Variants in TENM3 observed in about 807,000 individuals in gnomAD.
The protein encoded by TENM3 is teneurin-3.
TENM3 carries 63 observed loss-of-function variants against 255.1 expected under a neutral mutation model. The ratio of observed to expected loss-of-function variants is 0.25; its 90% confidence interval spans 0.20 to 0.30. The LOEUF is 0.30. Among genes scored for constraint, TENM3 ranks in the 10% least tolerant of loss-of-function variants. The pLI, the probability that TENM3 is intolerant of heterozygous loss-of-function variation, is 1.00. For synonymous variants in TENM3, 1,306 were observed against 1,322.3 expected (o/e 0.99, Z 0.27); for missense variants, 2,929 against 3,461.1 (o/e 0.85, Z 3.86).
the TENM3 span, among the ~76,000 whole-genome samples, chr4:182,111,607 G>A: frequency 6.6e-6 from 1 of 152,222 alleles, no homozygotes; most frequent in Non-Finnish European, 1.5e-5. Flanking sequence ...TCTATGGGCA[G>A]ACAGCAAAGG....
At chr4:181,540,196 A>T in the TENM3 span, among the ~76,000 whole-genome samples, 1 of 152,204 alleles carries the variant, frequency 6.6e-6, no homozygotes, top group Non-Finnish European at 1.5e-5. Context: ...GGGTCCCCAG[A>T]GGCCAAAGCT....
the TENM3 span, among the ~76,000 whole-genome samples, chr4:182,070,900 C>T: frequency 3.3e-5 from 5 of 152,092 alleles, no homozygotes; most frequent in South Asian, 4.1e-4. Flanking sequence ...AGCAATTTTC[C>T]ATTCATTGCT....
At chr4:182,574,804 T>C (rs1339276631) in intron 3 of TENM3, among the ~76,000 whole-genome samples, 1 of 152,138 alleles carries the variant, frequency 6.6e-6, no homozygotes, top group African/African-American at 2.4e-5. Context: ...TTTTTTACAA[T>C]GCAATTGCGG....
chr4:182,519,850 T>C (rs114934652), intron 3 of TENM3, among the ~76,000 whole-genome samples: 208 of 152,268 alleles, frequency 1.4e-3, no homozygotes, highest in African/African-American at 4.7e-3. Flanking sequence ...TTCTAAACAT[T>C]GGTGACTACT....
chr4:182,732,318 C>G (rs542065688), intron 16 of TENM3, among the ~76,000 whole-genome samples: 5 of 152,192 alleles, frequency 3.3e-5, no homozygotes, highest in African/African-American at 1.2e-4. Flanking sequence ...GGCTATTAGC[C>G]TCAATAACTT....
chr4:181,904,880 C>G, the TENM3 span, among the ~76,000 whole-genome samples: 1 of 152,094 alleles, frequency 6.6e-6, no homozygotes, highest in Non-Finnish European at 1.5e-5. Flanking sequence ...GGTCTTTTCC[C>G]ATGCTGTTCT....
the TENM3 span, among the ~76,000 whole-genome samples, chr4:181,605,584 G>GGAAAGAAAGAAAGAAAGAAAGAAA: frequency 1.4e-5 from 1 of 69,142 alleles, no homozygotes; most frequent in African/African-American, 5.8e-5. Context: ...GAGAAAGAAA[G>GGAAAGAAAGAAAGAAAGAAAGAAA]GAAAGAAAGA....
At chr4:182,661,192 ATTTTTTTTT>A (rs35208231) in intron 6 of TENM3, among the ~76,000 whole-genome samples, 1 of 88,596 alleles carries the variant, frequency 1.1e-5, no homozygotes, top group African/African-American at 4.6e-5. Flanking sequence ...TTAAATTTTA[ATTTTTTTTT>A]TTTTTTTTTT....
chr4:181,650,198 C>T, the TENM3 span, among the ~76,000 whole-genome samples: 202 of 152,272 alleles, frequency 1.3e-3, 2 homozygotes, highest in African/African-American at 4.5e-3. Context: ...TTTTCTGAAA[C>T]GGATTTACTA....
the TENM3 span, among the ~76,000 whole-genome samples, chr4:181,477,027 G>T: frequency 2.0e-5 from 3 of 152,078 alleles, no homozygotes; most frequent in Non-Finnish European, 4.4e-5. Context: ...GCTCTTAGAG[G>T]TTAGGTAATT....
At chr4:182,313,908 C>T (rs1367494163) in intron 1 of TENM3, among the ~76,000 whole-genome samples, 2 of 152,210 alleles carry the variant, frequency 1.3e-5, no homozygotes, top group Non-Finnish European at 2.9e-5. Context: ...TCCCTTTTCC[C>T]CTATTTTCCA....
chr4:182,439,281 A>C (rs1772277226), intron 3 of TENM3, among the ~76,000 whole-genome samples: 1 of 151,720 alleles, frequency 6.6e-6, no homozygotes, highest in African/African-American at 2.4e-5. Flanking sequence ...TTTTTAGAGA[A>C]CTCTCTTCTC....
At chr4:182,333,894 T>C (rs993986619) in intron 2 of TENM3, among the ~76,000 whole-genome samples, 1 of 152,176 alleles carries the variant, frequency 6.6e-6, no homozygotes, top group Admixed American at 6.5e-5. Flanking sequence ...ATATGGACAG[T>C]GTAGATCATA....
At chr4:182,263,782 G>C (rs141447343) in intron 1 of TENM3, among the ~76,000 whole-genome samples, 334 of 152,284 alleles carry the variant, frequency 2.2e-3, no homozygotes, top group African/African-American at 7.6e-3. Flanking sequence ...CAGAGACCAC[G>C]TGTCGAAACT....
chr4:182,199,043 G>A (rs2726800), intron 1 of TENM3, among the ~76,000 whole-genome samples: 342 of 152,322 alleles, frequency 2.2e-3, no homozygotes, highest in African/African-American at 7.7e-3. Flanking sequence ...ACAAATTTCA[G>A]TATAGTTTAG....
intron 22 of TENM3, among the ~76,000 whole-genome samples, chr4:182,756,298 C>T (rs926862789): frequency 6.6e-6 from 1 of 152,160 alleles, no homozygotes; most frequent in African/African-American, 2.4e-5. Context: ...AGGTAGGAGG[C>T]TCATTCAGCC....
chr4:182,215,992 C>A (rs1471044049), intron 1 of TENM3, among the ~76,000 whole-genome samples: 3 of 152,184 alleles, frequency 2.0e-5, no homozygotes, highest in Non-Finnish European at 2.9e-5. Context: ...CCTCTCCCAG[C>A]AAGTGGTCTC....
At chr4:181,697,613 C>T in the TENM3 span, among the ~76,000 whole-genome samples, 3 of 152,024 alleles carry the variant, frequency 2.0e-5, no homozygotes, top group East Asian at 2.0e-4. Context: ...AGGATGGTCT[C>T]GATCTCCTGA....
At chr4:182,701,652 T>C (rs1757887198) in intron 12 of TENM3, among the ~76,000 whole-genome samples, 1 of 152,166 alleles carries the variant, frequency 6.6e-6, no homozygotes, top group African/African-American at 2.4e-5. Flanking sequence ...AACTATGTGG[T>C]TATTTCACTT....
Sources: gnomAD v4.1 joint callset for allele counts (sites outside exome capture counted in the v4.1 genomes callset) on GRCh38, gnomAD v4.1.1 for gene constraint, MANE v1.5 for transcripts, NCBI Gene and HGNC (gene_info 2026-07-23, HGNC 2026-07-21) for gene names.